Variants in RAP1GAP2 observed in about 807,000 individuals in gnomAD.
RAP1GAP2 encodes rap1 GTPase-activating protein 2.
A neutral mutation model predicts 95.0 loss-of-function variants in RAP1GAP2; 27 were observed. The ratio of observed to expected loss-of-function variants is 0.28; its 90% CI spans 0.21 to 0.39. The LOEUF (loss-of-function observed/expected upper bound fraction) is 0.39, where lower values mean the gene tolerates loss of function less well. RAP1GAP2 is among the 10% of genes least tolerant of loss of function. The pLI, the probability that RAP1GAP2 is intolerant of heterozygous loss-of-function variation, is 1.00. For synonymous variants in RAP1GAP2, 373 were observed against 380.9 expected (o/e 0.98, Z 0.24); for missense variants, 771 against 970.0 (o/e 0.79, Z 2.72).
At chr17:2,979,949 C>A (rs1567850875) in intron 8 of RAP1GAP2, among the ~76,000 whole-genome samples, 1 of 151,090 alleles carries the variant, frequency 6.6e-6, no homozygotes, top group Non-Finnish European at 1.5e-5. Context: ...TCCTTTTCTT[C>A]TTTTTTTTGA....
intron 2 of RAP1GAP2, among the ~76,000 whole-genome samples, chr17:2,818,523 T>C (rs1441351977): frequency 2.6e-5 from 4 of 152,004 alleles, no homozygotes; most frequent in African/African-American, 9.7e-5. Context: ...AGATGGGGTT[T>C]CACCATGTTG....
chr17:2,790,640 G>C (rs898851523), intron 1 of RAP1GAP2, among the ~76,000 whole-genome samples: 4 of 152,220 alleles, frequency 2.6e-5, no homozygotes, highest in East Asian at 1.9e-4. Context: ...AGACCACCTA[G>C]TGCCTGCTTC....
chr17:2,963,200 CT>C lies in RAP1GAP2; in HGVS notation c.247-228del. On this transcript the variant is annotated intron_variant, in intron 5 of 24. Transcript: ENST00000254695. The surrounding 1 kb of genome is among the most constrained non-coding windows in gnomAD (Gnocchi z 4.8). Reference sequence around the variant, plus strand: ...TCACGAGGGGTGAGAAGTTCAGCACCTTCGGACACTGCATCATCAGCTGGCA... The same window carrying C: ...TCACGAGGGGTGAGAAGTTCAGCACCTCGGACACTGCATCATCAGCTGGCA... 1 of 612,816 alleles carries C rather than the reference CT, an allele frequency of 1.6e-6. No individual in the cohort carries two copies. The highest frequency in any genetic ancestry group is 2.9e-6 in the Non-Finnish European group (1 of 342,198). The allele number at this position is 612,816 out of a possible 1,614,324, so 38.0% of individuals were successfully genotyped here.
intron 4 of RAP1GAP2, among the ~76,000 whole-genome samples, chr17:2,959,891 G>T (rs1015383584): frequency 6.6e-6 from 1 of 152,112 alleles, no homozygotes; most frequent in Non-Finnish European, 1.5e-5. Context: ...TTGGGAGGTC[G>T]AGGCAGGTGG....
intron 2 of RAP1GAP2, among the ~76,000 whole-genome samples, chr17:2,861,978 A>C (rs2072413802): frequency 6.6e-6 from 1 of 152,234 alleles, no homozygotes; most frequent in Non-Finnish European, 1.5e-5. Context: ...TTTAATACTC[A>C]GCGCCCTTTC....
At chr17:2,932,228 C>T (rs954957013) in intron 3 of RAP1GAP2, among the ~76,000 whole-genome samples, 6 of 152,122 alleles carry the variant, frequency 3.9e-5, no homozygotes, top group African/African-American at 9.7e-5. Flanking sequence ...TTTCCTCCTT[C>T]GCGCTGAAGC....
intron 13 of RAP1GAP2, among the ~76,000 whole-genome samples, chr17:2,996,605 C>T (rs554607903): frequency 6.6e-6 from 1 of 152,334 alleles, no homozygotes; most frequent in South Asian, 2.1e-4. Flanking sequence ...TTCAACCTTT[C>T]ACCTCCAGCC....
chr17:2,922,566 GGT>G (rs924125425), intron 3 of RAP1GAP2, among the ~76,000 whole-genome samples: 7 of 152,210 alleles, frequency 4.6e-5, no homozygotes, highest in Non-Finnish European at 8.8e-5. Flanking sequence ...CCACTGCAAG[GGT>G]GTGTGTGTGA....
chr17:2,772,574 C>T (rs879396432), upstream of RAP1GAP2, among the ~76,000 whole-genome samples: 27 of 152,236 alleles, frequency 1.8e-4, no homozygotes, highest in Non-Finnish European at 3.2e-4. Context: ...AGATGACAGA[C>T]GTGAGCCACT....
rs972831501 is a variant in RAP1GAP2, at chr17:3,037,506, C to T, written c.*4145C>T. The T allele has an allele frequency of 3.3e-5, 5 of 152,292 alleles. No individual in the cohort carries two copies. The highest frequency in any genetic ancestry group is 7.4e-5 in the Non-Finnish European group (5 of 67,996). 9.4% of individuals were successfully genotyped at this position (152,292 alleles called of 1,614,324 possible). A position where few individuals can be genotyped will look rare whatever the true frequency, so the allele number is the denominator to read the frequency against. On this transcript the variant is annotated 3_prime_UTR_variant, in exon 25 of 25. Transcript: ENST00000254695. ...GTGTGGTCGAACCTAAGAACTGTGG[C>T]TTGGAAGTGATGCTCCATGTGACGA... is the stretch of plus-strand genomic sequence containing the variant.
chr17:2,810,816 A>C (rs986325197), intron 2 of RAP1GAP2, among the ~76,000 whole-genome samples: 15 of 152,050 alleles, frequency 9.9e-5, no homozygotes, highest in Non-Finnish European at 1.8e-4. Flanking sequence ...GGCGTGAGCC[A>C]CCGCGCCTGG....
Position 2,804,603 on chromosome 17 carries a change from C to T in RAP1GAP2, c.80+4053C>T, listed in dbSNP as rs987345069. ...GAATGCACCTCCGCCTCCACGACACCGTGGGTGAGAAGGCCGCCCCTGGTT... is the reference window on the plus strand; with the variant it reads ...GAATGCACCTCCGCCTCCACGACACTGTGGGTGAGAAGGCCGCCCCTGGTT... On this transcript the variant is annotated intron_variant, in intron 2 of 24. Transcript: ENST00000254695. Among the ~76,000 whole-genome samples the T allele has an allele frequency of 2.6e-5, 4 of 152,210 alleles. No homozygotes were observed. In the East Asian group the frequency reaches 5.8e-4, roughly 22 times the overall value.
intron 2 of RAP1GAP2, among the ~76,000 whole-genome samples, chr17:2,822,227 G>A (rs548547653): frequency 1.4e-4 from 21 of 152,236 alleles, no homozygotes; most frequent in Non-Finnish European, 7.4e-5. Context: ...TGACCACGCA[G>A]GGTCACCCAG....
At chr17:2,964,689 C>T (rs1256414482) in intron 7 of RAP1GAP2, 1 of 153,192 alleles carries the variant, frequency 6.5e-6, no homozygotes, top group Non-Finnish European at 1.5e-5. Flanking sequence ...CAAGAAGTCT[C>T]TGTTTCCATC....
At chr17:2,819,126 C>G (rs2151514996) in intron 2 of RAP1GAP2, among the ~76,000 whole-genome samples, 1 of 151,634 alleles carries the variant, frequency 6.6e-6, no homozygotes, top group South Asian at 2.1e-4. Flanking sequence ...TCACGCCATT[C>G]TCCTGCCTCA....
intron 2 of RAP1GAP2, among the ~76,000 whole-genome samples, chr17:2,813,819 C>T (rs1428090207): frequency 3.9e-5 from 6 of 151,934 alleles, no homozygotes; most frequent in South Asian, 2.1e-4. Context: ...AAAAATTAGC[C>T]GGGCATGGTG....
chr17:2,815,107 G>A (rs553369098), intron 2 of RAP1GAP2, among the ~76,000 whole-genome samples: 9 of 152,270 alleles, frequency 5.9e-5, no homozygotes, highest in Non-Finnish European at 1.3e-4. Flanking sequence ...CCCACCCTGG[G>A]GCTTGGGGAT....
chr17:2,889,434 C>T (rs987996755), intron 2 of RAP1GAP2, among the ~76,000 whole-genome samples: 2 of 152,132 alleles, frequency 1.3e-5, no homozygotes, highest in Admixed American at 1.3e-4. Flanking sequence ...CTCTCTGGGT[C>T]AGAGGTAGGC....
chr17:2,884,489 C>T (rs1752252241), intron 2 of RAP1GAP2, among the ~76,000 whole-genome samples: 1 of 151,512 alleles, frequency 6.6e-6, no homozygotes, highest in African/African-American at 2.4e-5. Context: ...TCTCCTGCCT[C>T]AGCCTCCCAA....
Sources: gnomAD v4.1 joint callset for allele counts (sites outside exome capture counted in the v4.1 genomes callset) on GRCh38, gnomAD v4.1.1 for gene constraint, Gnocchi (gnomAD v3.1) non-coding constraint, MANE v1.5 for transcripts, NCBI Gene and HGNC (gene_info 2026-07-23, HGNC 2026-07-21) for gene names.